Variants in GARNL3 observed in about 807,000 individuals in gnomAD.
The protein encoded by GARNL3 is GTPase activating Rap/RanGAP domain like 3.
GARNL3 carries 63 observed loss-of-function variants against 125.0 expected under a neutral mutation model. That is an observed-to-expected ratio of 0.50 (90% CI 0.41 to 0.62). The LOEUF (loss-of-function observed/expected upper bound fraction) is 0.62. GARNL3 is among the 20% of genes least tolerant of loss of function. GARNL3 has a pLI of 0.00. For missense variants in GARNL3, 994 were observed against 1,244.0 expected (o/e 0.80, Z 3.02); for synonymous variants, 439 against 457.5 (o/e 0.96, Z 0.52).
intron 17 of GARNL3, among the ~76,000 whole-genome samples, chr9:127,349,570 A>G (rs964474373): frequency 1.3e-5 from 2 of 152,230 alleles, no homozygotes; most frequent in African/African-American, 4.8e-5. Flanking sequence ...TGACAGCCAG[A>G]TAGATCAGCC....
chr9:127,236,906 T>G (rs1588663599), intron 1 of GARNL3, among the ~76,000 whole-genome samples: 1 of 152,250 alleles, frequency 6.6e-6, no homozygotes, highest in East Asian at 1.9e-4. Flanking sequence ...AAGAAGAAAT[T>G]TGTGCCCTAC....
intron 25 of GARNL3, among the ~76,000 whole-genome samples, chr9:127,387,907 G>A (rs926999296): frequency 6.6e-6 from 1 of 152,004 alleles, no homozygotes; most frequent in African/African-American, 2.4e-5. Flanking sequence ...GCACTTTGGC[G>A]GGCTGAGGCA....
At chr9:127,365,257 C>T (rs752087899) in intron 21 of GARNL3, 43 bp from the exon 22 acceptor site, 23 of 1,518,894 alleles carry the variant, frequency 1.5e-5, no homozygotes, top group Non-Finnish European at 2.7e-6. Context: ...TTCACAGGGT[C>T]AGCATCCAGC....
At chr9:127,256,433 T>TG (rs1390152014) in intron 2 of GARNL3, among the ~76,000 whole-genome samples, 3 of 152,168 alleles carry the variant, frequency 2.0e-5, no homozygotes, top group Non-Finnish European at 4.4e-5. Flanking sequence ...AGAGGCTGTT[T>TG]TACAGTTTGC....
intron 17 of GARNL3, among the ~76,000 whole-genome samples, chr9:127,351,340 C>A (rs1830414236): frequency 6.6e-6 from 1 of 152,100 alleles, no homozygotes; most frequent in Admixed American, 6.5e-5. Context: ...GAAATTCTTT[C>A]TTCCAAATTT....
intron 22 of GARNL3, chr9:127,366,964 A>G (rs1831320141): frequency 6.6e-6 from 1 of 152,190 alleles, no homozygotes; most frequent in Non-Finnish European, 1.5e-5. Flanking sequence ...TAGATCCACT[A>G]CATCAGAAGT....
At chr9:127,345,904 G>T (rs1830111549) in intron 16 of GARNL3, among the ~76,000 whole-genome samples, 1 of 152,330 alleles carries the variant, frequency 6.6e-6, no homozygotes, top group Non-Finnish European at 1.5e-5. Context: ...AGGCTCCTGG[G>T]CAGTGCTGCT....
At chr9:127,263,435 G>T, upstream of GARNL3, among the ~76,000 whole-genome samples, 1 of 152,268 alleles carries the variant, frequency 6.6e-6, no homozygotes, top group South Asian at 2.1e-4. Flanking sequence ...TTGGGCATCC[G>T]CTCTCTGCCC....
At position 127,385,558 on chromosome 9, in the gene GARNL3, A is replaced by C. The variant is rs927646502; in HGVS notation, c.2388+413A>C. On this transcript the variant is annotated intron_variant, in intron 24 of 27. Transcript: ENST00000373387. The surrounding 1 kb of genome is among the most constrained non-coding windows in gnomAD (Gnocchi z 4.1). ...ATTCTTAGCCTATGAAACATGGCTA[A>C]TTGATTAATCCCTGCCTCATAACCC... 6.6e-6 allele frequency among the ~76,000 whole-genome samples: 1 copy of C among 152,188 alleles called. No homozygotes were observed. The highest frequency in any genetic ancestry group is 2.4e-5 in the African/African-American group (1 of 41,444).
At chr9:127,296,580 T>C (rs901662404) in intron 2 of GARNL3, among the ~76,000 whole-genome samples, 16 of 149,962 alleles carry the variant, frequency 1.1e-4, no homozygotes, top group Admixed American at 5.3e-4. Flanking sequence ...GAAACAATTC[T>C]CCTGCCTCAG....
At chr9:127,365,257 C>A in intron 21 of GARNL3, 43 bp from the exon 22 acceptor site, 2 of 1,519,012 alleles carry the variant, frequency 1.3e-6, no homozygotes, top group South Asian at 2.3e-5. Context: ...TTCACAGGGT[C>A]AGCATCCAGC....
intron 16 of GARNL3, among the ~76,000 whole-genome samples, chr9:127,346,916 C>T (rs1307124237): frequency 6.6e-6 from 1 of 152,212 alleles, no homozygotes; most frequent in East Asian, 1.9e-4. Flanking sequence ...CTGGAGACCA[C>T]ATTCTCACCT....
At chr9:127,321,158 A>T (rs2131514079) in intron 6 of GARNL3, among the ~76,000 whole-genome samples, 1 of 152,128 alleles carries the variant, frequency 6.6e-6, no homozygotes, top group Admixed American at 6.5e-5. Context: ...ATCGAAATGG[A>T]GTTTCACTCT....
intron 22 of GARNL3, among the ~76,000 whole-genome samples, chr9:127,379,305 G>A (rs575322059): frequency 6.6e-6 from 1 of 152,328 alleles, no homozygotes; most frequent in South Asian, 2.1e-4. Context: ...GTTTGCTTAT[G>A]TAGGAACTCA....
intron 22 of GARNL3, among the ~76,000 whole-genome samples, chr9:127,379,301 T>G (rs1199193206): frequency 1.3e-5 from 2 of 152,220 alleles, no homozygotes; most frequent in Non-Finnish European, 2.9e-5. Context: ...TTTGGTTTGC[T>G]TATGTAGGAA....
chr9:127,322,368 C>T (rs182408803), intron 6 of GARNL3, among the ~76,000 whole-genome samples: 38 of 151,816 alleles, frequency 2.5e-4, no homozygotes, highest in African/African-American at 8.7e-4. Flanking sequence ...CTCACCTCTG[C>T]TCAGTCATCC....
chr9:127,333,938 G>T (rs1414844787), intron 9 of GARNL3, among the ~76,000 whole-genome samples: 1 of 152,158 alleles, frequency 6.6e-6, no homozygotes, highest in Non-Finnish European at 1.5e-5. Flanking sequence ...GGAGAAGCCT[G>T]CTCTCAGAGG....
intron 7 of GARNL3, 51 bp downstream of exon 7, chr9:127,325,146 A>G (rs2065529200): frequency 6.4e-7 from 1 of 1,558,196 alleles, no homozygotes; most frequent in African/African-American, 1.4e-5. Flanking sequence ...CATGTTTGTA[A>G]ATATATTTCT....
chr9:127,276,038 C>T (rs1416461995), intron 1 of GARNL3, among the ~76,000 whole-genome samples: 2 of 152,096 alleles, frequency 1.3e-5, no homozygotes, highest in African/African-American at 2.4e-5. Context: ...CCTTTTGATG[C>T]TTCCCTTCCT....
Sources: gnomAD v4.1 joint callset for allele counts (sites outside exome capture counted in the v4.1 genomes callset) on GRCh38, gnomAD v4.1.1 for gene constraint, Gnocchi (gnomAD v3.1) non-coding constraint, MANE v1.5 for transcripts, NCBI Gene and HGNC (gene_info 2026-07-23, HGNC 2026-07-21) for gene names.